CCDC85A: variants seen among roughly 807,000 people sequenced by gnomAD.
The protein encoded by CCDC85A is coiled-coil domain containing 85A.
A neutral mutation model predicts 50.2 loss-of-function variants in CCDC85A; 38 were observed. The ratio of observed to expected loss-of-function variants is 0.76; its 90% CI spans 0.58 to 0.99. The LOEUF (loss-of-function observed/expected upper bound fraction) is 0.99, where lower values mean the gene tolerates loss of function less well. CCDC85A is among the 50% of genes least tolerant of loss of function. CCDC85A has a pLI of 0.00. For missense variants in CCDC85A, 820 were observed against 742.0 expected (o/e 1.11, Z -1.22); for synonymous variants, 366 against 301.4 (o/e 1.21, Z -2.22).
At chr2:56,201,077 CACA>C (rs1164517359) in intron 2 of CCDC85A, among the ~76,000 whole-genome samples, 6 of 7,834 alleles carry the variant, frequency 7.7e-4, no homozygotes, top group East Asian at 2.8e-3. Context: ...CATCTCTCTC[CACA>C]CACACACACA....
chr2:56,374,149 A>C (rs966756339), intron 4 of CCDC85A, among the ~76,000 whole-genome samples: 1 of 152,148 alleles, frequency 6.6e-6, no homozygotes, highest in Non-Finnish European at 1.5e-5. Flanking sequence ...TGTACATTTT[A>C]GTTTTAGTAG....
At chr2:56,212,686 A>G (rs189617985) in intron 2 of CCDC85A, among the ~76,000 whole-genome samples, 4 of 152,116 alleles carry the variant, frequency 2.6e-5, no homozygotes, top group Non-Finnish European at 5.9e-5. Context: ...GTGTACCCGC[A>G]CTGGTGACAC....
At chr2:56,317,119 C>G (rs1293047154) in intron 2 of CCDC85A, among the ~76,000 whole-genome samples, 1 of 152,008 alleles carries the variant, frequency 6.6e-6, no homozygotes, top group Non-Finnish European at 1.5e-5. Flanking sequence ...GAAGATTTTT[C>G]TTATCATTAA....
Position 56,184,212 on chromosome 2 carries a change from T to C in CCDC85A, c.-413T>C. ...CAAGGGGGAGGAAAGTGCGTGTGCG[T>C]GCACGCCTGTGTGCAGGGCAGAGAG... On this transcript the variant is annotated 5_prime_UTR_variant, in exon 1 of 6. Transcript: ENST00000407595. 1 of 982,124 alleles carries C rather than the reference T, an allele frequency of 1.0e-6. No homozygotes were observed. Among genetic ancestry groups the C allele is most frequent in the Non-Finnish European group, 1.2e-6 (1 of 824,480 alleles). The allele number at this position is 982,124 out of a possible 1,614,324, so 60.8% of individuals were successfully genotyped here. A position where few individuals can be genotyped will look rare whatever the true frequency, so the allele number is the denominator to read the frequency against.
At chr2:56,292,408 G>A (rs1367760049) in intron 2 of CCDC85A, among the ~76,000 whole-genome samples, 1 of 152,112 alleles carries the variant, frequency 6.6e-6, no homozygotes, top group Non-Finnish European at 1.5e-5. Flanking sequence ...TTTTCAACTT[G>A]ATAAAGGATA....
In CCDC85A at chr2:56,370,580, T is replaced by A. The variant is rs145289019; in HGVS notation, c.1318-1764T>A. 2.0e-3 allele frequency among the ~76,000 whole-genome samples: 308 copies of A among 152,226 alleles called. 3 individuals carry two copies. Among genetic ancestry groups the A allele is most frequent in the African/African-American group, 7.0e-3 (291 of 41,556 alleles). ...TACTATAAAATACATATTTAATATATTTTAAAGGAACATTTTATAATACTT... is the reference window on the plus strand; with the variant it reads ...TACTATAAAATACATATTTAATATAATTTAAAGGAACATTTTATAATACTT... On this transcript the variant is annotated intron_variant, in intron 3 of 5. Coordinates refer to ENST00000407595, the MANE Select transcript of CCDC85A (RefSeq NM_001080433.2).
In CCDC85A at chr2:56,187,577, C is replaced by T. The variant is rs558809293; in HGVS notation, c.276+2677C>T. Among the ~76,000 whole-genome samples the T allele has an allele frequency of 3.5e-4, 53 of 152,268 alleles. 2 individuals are homozygous for T. The highest frequency in any genetic ancestry group is 2.2e-4 in the African/African-American group (9 of 41,566). ...CTGTCTCTCGGTTTTCTCATCTGCT[C>T]ATGGGGATTTTAATTCCACATGAGG... On this transcript the variant is annotated intron_variant, in intron 1 of 5. Transcript: ENST00000407595.
intron 2 of CCDC85A, among the ~76,000 whole-genome samples, chr2:56,323,251 A>G (rs1435609963): frequency 3.9e-5 from 6 of 152,098 alleles, no homozygotes; most frequent in African/African-American, 1.4e-4. Context: ...TATGTAACAA[A>G]CCTGCACTTT....
At chr2:56,328,042 A>G (rs1339731446) in intron 2 of CCDC85A, among the ~76,000 whole-genome samples, 1 of 152,108 alleles carries the variant, frequency 6.6e-6, no homozygotes, top group Non-Finnish European at 1.5e-5. Context: ...CACTGGCTAA[A>G]AGTTACAAAC....
intron 2 of CCDC85A, among the ~76,000 whole-genome samples, chr2:56,337,000 G>A (rs1272610703): frequency 6.6e-6 from 1 of 152,184 alleles, no homozygotes; most frequent in Admixed American, 6.5e-5. Flanking sequence ...GAATATATTT[G>A]ACTAGTCCCC....
At chr2:56,296,118 C>G (rs1286574641) in intron 2 of CCDC85A, among the ~76,000 whole-genome samples, 4 of 152,172 alleles carry the variant, frequency 2.6e-5, no homozygotes, top group African/African-American at 9.7e-5. Flanking sequence ...CTTTAGCACA[C>G]TGGCAGGATC....
chr2:56,314,677 A>G (rs1482410057), intron 2 of CCDC85A, among the ~76,000 whole-genome samples: 2 of 152,144 alleles, frequency 1.3e-5, no homozygotes, highest in African/African-American at 4.8e-5. Context: ...TGGAAGGGAT[A>G]TAGCTTGGAA....
At chr2:56,375,666 A>G (rs1365917982) in intron 4 of CCDC85A, 150 bp from the exon 5 acceptor site, 9 of 737,112 alleles carry the variant, frequency 1.2e-5, no homozygotes, top group East Asian at 2.8e-5. Flanking sequence ...GTGTGTTCCA[A>G]TGAACAGATT....
chr2:56,349,309 AGG>A (rs1166360642), intron 3 of CCDC85A, among the ~76,000 whole-genome samples: 3 of 152,176 alleles, frequency 2.0e-5, no homozygotes, highest in African/African-American at 4.8e-5. Context: ...TAAAGGAAAA[AGG>A]GTTTTATGTG....
intron 2 of CCDC85A, among the ~76,000 whole-genome samples, chr2:56,266,785 A>G (rs910431967): frequency 3.3e-5 from 5 of 152,158 alleles, no homozygotes; most frequent in Middle Eastern, 6.8e-3. Context: ...ATTGTTGCCT[A>G]CTTATAGATC....
chr2:56,286,948 A>G (rs931010128), intron 2 of CCDC85A, among the ~76,000 whole-genome samples: 2 of 152,054 alleles, frequency 1.3e-5, no homozygotes, highest in South Asian at 2.1e-4. Flanking sequence ...TTTAGGTTTT[A>G]TCCTTATACC....
intron 2 of CCDC85A, among the ~76,000 whole-genome samples, chr2:56,200,930 A>T (rs1038778373): frequency 6.6e-6 from 1 of 151,504 alleles, no homozygotes; most frequent in Non-Finnish European, 1.5e-5. Context: ...AATTATATCC[A>T]ATAGTTTTTT....
chr2:56,239,316 T>C (rs942832043), intron 2 of CCDC85A, among the ~76,000 whole-genome samples: 1 of 152,040 alleles, frequency 6.6e-6, no homozygotes, highest in East Asian at 1.9e-4. Flanking sequence ...GAGACACCTC[T>C]GGATGATGAA....
At chr2:56,339,838 C>G (rs76955405) in intron 2 of CCDC85A, among the ~76,000 whole-genome samples, 1,844 of 151,966 alleles carry the variant, frequency 0.012, 40 homozygotes, top group African/African-American at 0.042. Flanking sequence ...TCACTGAATT[C>G]ATTTGCAAGA....
Sources: gnomAD v4.1 joint callset for allele counts (sites outside exome capture counted in the v4.1 genomes callset) on GRCh38, gnomAD v4.1.1 for gene constraint, MANE v1.5 for transcripts, NCBI Gene and HGNC (gene_info 2026-07-23, HGNC 2026-07-21) for gene names.